The following NOX4 variants were observed in gnomAD, a reference collection of about 807,000 sequenced individuals.
NOX4 encodes NADPH oxidase 4, also known as kidney oxidase-1.
NOX4 carries 69 observed loss-of-function variants against 87.6 expected under a neutral mutation model. The observed-to-expected ratio is 0.79, with a 90% CI of 0.65 to 0.96. NOX4 has a LOEUF of 0.96. NOX4 is among the 40% of genes least tolerant of loss of function. The probability of loss-of-function intolerance (pLI) is 0.00; values close to 1 mark genes in which losing one functional copy is unlikely to be tolerated. For missense variants in NOX4, 680 were observed against 681.5 expected, an observed-to-expected ratio of 1.00 and a Z score of 0.02; for synonymous variants, 275 against 238.2, an observed-to-expected ratio of 1.15 and a Z score of -1.42.
Position 89,402,256 on chromosome 11 carries a change from A to T in NOX4, c.846+70T>A, listed in dbSNP as rs987547463. 16 of 1,161,622 alleles carry T rather than the reference A, an allele frequency of 1.4e-5. No individual in the cohort carries two copies. The African/African-American group carries it at 2.4e-4, about 18-fold the overall frequency. 72.0% of individuals were successfully genotyped at this position (1,161,622 alleles called of 1,614,324 possible). On this transcript the variant is annotated intron_variant, in intron 9 of 17. Coordinates refer to ENST00000263317, the MANE Select transcript of NOX4 (RefSeq NM_016931.5). Reference sequence around the variant, plus strand: ...CATGAATATATAGCTTGAAAAACACATTTATATGTGATGTTGATCAGTCAA... The same window carrying T: ...CATGAATATATAGCTTGAAAAACACTTTTATATGTGATGTTGATCAGTCAA...
At chr11:89,378,856 A>G (rs1940058539) in intron 11 of NOX4, among the ~76,000 whole-genome samples, 1 of 152,224 alleles carries the variant, frequency 6.6e-6, no homozygotes, top group Non-Finnish European at 1.5e-5. Flanking sequence ...CTGAGAGGAG[A>G]TCACGCGGAG....
At chr11:89,524,226 T>C in the NOX4 span, among the ~76,000 whole-genome samples, 4 of 152,208 alleles carry the variant, frequency 2.6e-5, no homozygotes, top group Non-Finnish European at 5.9e-5. Context: ...TATAGAGCAC[T>C]GTTTAATGCC....
chr11:89,368,268 T>G (rs1939168617), intron 12 of NOX4, among the ~76,000 whole-genome samples: 1 of 152,154 alleles, frequency 6.6e-6, no homozygotes, highest in African/African-American at 2.4e-5. Context: ...CCAGTGGTAT[T>G]CTGGCAAATG....
At chr11:89,584,708 G>A in the NOX4 span, among the ~76,000 whole-genome samples, 1 of 152,088 alleles carries the variant, frequency 6.6e-6, no homozygotes, top group Non-Finnish European at 1.5e-5. Flanking sequence ...AAAATGTGTA[G>A]TTCAAGAATT....
At chr11:89,532,693 G>A in the NOX4 span, among the ~76,000 whole-genome samples, 1 of 151,888 alleles carries the variant, frequency 6.6e-6, no homozygotes, top group South Asian at 2.1e-4. Flanking sequence ...ATTTGGGAGG[G>A]GCCAGGGGCA....
intron 12 of NOX4, among the ~76,000 whole-genome samples, chr11:89,359,246 T>G (rs1460084188): frequency 6.6e-6 from 1 of 152,114 alleles, no homozygotes; most frequent in African/African-American, 2.4e-5. Context: ...TAATTGAAAC[T>G]TTTTCTACAT....
At chr11:89,359,573 C>G (rs570893213) in intron 12 of NOX4, among the ~76,000 whole-genome samples, 4 of 151,846 alleles carry the variant, frequency 2.6e-5, no homozygotes, top group African/African-American at 4.8e-5. Flanking sequence ...ATGATTAATG[C>G]TATTCTTGTA....
upstream of NOX4, among the ~76,000 whole-genome samples, chr11:89,494,514 C>T (rs537256181): frequency 3.3e-5 from 5 of 152,288 alleles, no homozygotes; most frequent in South Asian, 8.3e-4. Flanking sequence ...TCCTGTCTTA[C>T]TCCATTTTTA....
the NOX4 span, among the ~76,000 whole-genome samples, chr11:89,553,800 A>G: frequency 6.6e-6 from 1 of 151,886 alleles, no homozygotes; most frequent in Non-Finnish European, 1.5e-5. Context: ...GCACCATTTT[A>G]TCTTTACCAG....
the NOX4 span, among the ~76,000 whole-genome samples, chr11:89,523,496 T>A: frequency 2.0e-5 from 3 of 152,200 alleles, no homozygotes. Context: ...ATGACCATAT[T>A]TTACTGTGTA....
At chr11:89,378,129 C>T (rs1388806595) in intron 11 of NOX4, among the ~76,000 whole-genome samples, 1 of 152,180 alleles carries the variant, frequency 6.6e-6, no homozygotes, top group Non-Finnish European at 1.5e-5. Flanking sequence ...TTGTGTCACC[C>T]TGTGAAAAAC....
At chr11:89,428,275 G>A (rs930546494) in intron 7 of NOX4, among the ~76,000 whole-genome samples, 2 of 149,068 alleles carry the variant, frequency 1.3e-5, no homozygotes, top group African/African-American at 2.5e-5. Context: ...ACACCAAATT[G>A]TAAAGACCAT....
At chr11:89,438,983 T>TATAATTA (rs1565294597) in intron 6 of NOX4, among the ~76,000 whole-genome samples, 12 of 101,808 alleles carry the variant, frequency 1.2e-4, no homozygotes, top group South Asian at 8.7e-4. Context: ...TAATTATATA[T>TATAATTA]TATATTATTA....
intron 17 of NOX4, among the ~76,000 whole-genome samples, chr11:89,329,712 G>C (rs1945391140): frequency 6.6e-6 from 1 of 152,014 alleles, no homozygotes; most frequent in Non-Finnish European, 1.5e-5. Context: ...AGGCAATGAA[G>C]TGATATCTTC....
chr11:89,339,596 A>C (rs1328837614), intron 15 of NOX4, among the ~76,000 whole-genome samples: 1 of 152,110 alleles, frequency 6.6e-6, no homozygotes, highest in Non-Finnish European at 1.5e-5. Context: ...TAAAACACAA[A>C]ATTTGGGATT....
chr11:89,345,531 C>T (rs149064830), intron 13 of NOX4, among the ~76,000 whole-genome samples: 101 of 151,820 alleles, frequency 6.7e-4, no homozygotes, highest in South Asian at 3.3e-3. Context: ...CTGTACTCTA[C>T]AGTGTACAGC....
chr11:89,414,744 T>C (rs1942671744), intron 8 of NOX4, among the ~76,000 whole-genome samples: 1 of 151,778 alleles, frequency 6.6e-6, no homozygotes, highest in African/African-American at 2.4e-5. Flanking sequence ...AAGAAGCCAT[T>C]TTCTTCTTAC....
At chr11:89,517,097 C>T in the NOX4 span, among the ~76,000 whole-genome samples, 6 of 152,048 alleles carry the variant, frequency 3.9e-5, no homozygotes, top group African/African-American at 1.4e-4. Context: ...TAAATGACCA[C>T]TCTCCACCAT....
intron 13 of NOX4, among the ~76,000 whole-genome samples, chr11:89,350,890 T>A (rs1211397412): frequency 6.6e-6 from 1 of 152,192 alleles, no homozygotes; most frequent in Admixed American, 6.5e-5. Context: ...ATATTGAATT[T>A]AGGCCAATTA....
Sources: gnomAD v4.1 joint callset for allele counts (sites outside exome capture counted in the v4.1 genomes callset) on GRCh38, gnomAD v4.1.1 for gene constraint, MANE v1.5 for transcripts, NCBI Gene and HGNC (gene_info 2026-07-23, HGNC 2026-07-21) for gene names.